Variants in CCDC141 observed in about 807,000 individuals in gnomAD.
CCDC141 encodes coiled-coil domain containing 141, also known as coiled-coil domain-containing protein 141.
In CCDC141, 168 loss-of-function variants were observed where a neutral mutation model predicts 181.0. The ratio of observed to expected loss-of-function variants is 0.93; its 90% confidence interval spans 0.82 to 1.05. CCDC141 has a LOEUF of 1.05. Among genes scored for constraint, CCDC141 ranks in the 50% least tolerant of loss-of-function variants. CCDC141 has a pLI of 0.00. For missense variants in CCDC141, 1,902 were observed against 1,788.5 expected, an observed-to-expected ratio of 1.06 and a Z score of -1.14; for synonymous variants, 666 against 642.3, an observed-to-expected ratio of 1.04 and a Z score of -0.56.
rs1437767845 is a variant in CCDC141 at position 178,930,831 on chromosome 2, A to T, written c.898-11924T>A. Among the ~76,000 whole-genome samples the T allele has an allele frequency of 2.0e-5, 3 of 152,178 alleles. No individual in the cohort carries two copies. The East Asian group carries it at 5.8e-4, about 29-fold the overall frequency. ...CAAAATGGAACAAAGATCTAAATACATACACTAAAGCCATCAAATTCTTAG... is the reference window on the plus strand; with the variant it reads ...CAAAATGGAACAAAGATCTAAATACTTACACTAAAGCCATCAAATTCTTAG... On this transcript the variant is annotated intron_variant, in intron 6 of 23. Coordinates refer to ENST00000443758, the MANE Select transcript of CCDC141 (RefSeq NM_173648.4).
intron 3 of CCDC141, 149 bp from the exon 4 acceptor site, chr2:178,975,314 G>A (rs1276304158): frequency 9.6e-6 from 5 of 518,552 alleles, no homozygotes; most frequent in Non-Finnish European, 1.4e-5. Context: ...GTGTTTGTGT[G>A]TGTTTTGGCT....
chr2:178,827,732 T>C (rs199790797), downstream of CCDC141, among the ~76,000 whole-genome samples: 30 of 152,270 alleles, frequency 2.0e-4, no homozygotes, highest in East Asian at 5.8e-3. Context: ...GGAATTTTAT[T>C]ACCAGAGACT....
downstream of CCDC141, chr2:178,825,568 T>C (rs1684110678): frequency 6.6e-6 from 1 of 152,122 alleles, no homozygotes; most frequent in Admixed American, 6.6e-5. Context: ...CCTCATTCTG[T>C]TGAGCATCAT....
At position 178,937,814 on chromosome 2, in the gene CCDC141, G is replaced by A. The variant is rs1689351604; in HGVS notation, c.897+6721C>T. Among the ~76,000 whole-genome samples, 14 of 152,058 alleles carry A rather than the reference G, an allele frequency of 9.2e-5. 4 individuals carry two copies. The South Asian group carries it at 2.9e-3, about 32-fold the overall frequency. On this transcript the variant is annotated intron_variant, in intron 6 of 23. Coordinates refer to ENST00000443758, the MANE Select transcript of CCDC141 (RefSeq NM_173648.4). ...TGATTCAGTCTTGGGAGGTATATGT[G>A]TCTAGAATTTATCCATCTCTTTTAG...
At chr2:178,952,187 G>C (rs1365251482) in intron 5 of CCDC141, among the ~76,000 whole-genome samples, 1 of 152,160 alleles carries the variant, frequency 6.6e-6, no homozygotes, top group Non-Finnish European at 1.5e-5. Context: ...ATTTTAGAAA[G>C]TTAAGACTAT....
chr2:178,964,736 G>C (rs1453571563), intron 4 of CCDC141, among the ~76,000 whole-genome samples: 1 of 152,104 alleles, frequency 6.6e-6, no homozygotes, highest in Non-Finnish European at 1.5e-5. Flanking sequence ...TCCATCAGTT[G>C]ATCTTACAAA....
intron 22 of CCDC141, among the ~76,000 whole-genome samples, chr2:178,838,066 C>A (rs1381872287): frequency 1.4e-4 from 21 of 152,118 alleles, no homozygotes; most frequent in Admixed American, 1.3e-3. Context: ...AAACCATGAT[C>A]TGGGGAGTCT....
In CCDC141 at chr2:178,856,460, T is replaced by A. The variant is rs1382386055; in HGVS notation, c.2725-63A>T. The A allele has an allele frequency of 1.1e-5, 14 of 1,284,390 alleles. No homozygotes were observed. The East Asian group carries it at 1.2e-4, about 11-fold the overall frequency. The allele number at this position is 1,284,390 out of a possible 1,614,324, so 79.6% of individuals were successfully genotyped here. Reference sequence around the variant, plus strand: ...AATGAGAAAACAAAGTCACTTGCAATAAATCAAAGCATCTGAACACTTCAA... The same window carrying A: ...AATGAGAAAACAAAGTCACTTGCAAAAAATCAAAGCATCTGAACACTTCAA... On this transcript the variant is annotated intron_variant, in intron 17 of 23. Transcript: ENST00000443758.
At chr2:178,870,574 T>TATGTGATTAC (rs1237332875) in intron 14 of CCDC141, among the ~76,000 whole-genome samples, 1 of 152,188 alleles carries the variant, frequency 6.6e-6, no homozygotes, top group Non-Finnish European at 1.5e-5. Flanking sequence ...CTGAGAGTTT[T>TATGTGATTAC]ATAAGAGTTT....
Position 178,962,622 on chromosome 2 carries a change from C to G in CCDC141, c.527-1139G>C, listed in dbSNP as rs773856921. Among the ~76,000 whole-genome samples the G allele has an allele frequency of 3.0e-4, 41 of 138,964 alleles. 1 individual carries two copies. The highest frequency in any genetic ancestry group is 3.5e-3 in the Middle Eastern group (1 of 282). 91.2% of individuals were successfully genotyped at this position (138,964 alleles called of 152,430 possible). A position where few individuals can be genotyped will look rare whatever the true frequency, so the allele number is the denominator to read the frequency against. On this transcript the variant is annotated intron_variant, in intron 4 of 23. Transcript: ENST00000443758. ...TTTCTTTCTTTTCTTTCTTTTCCTT[C>G]TTTCCTTCTTTCTTTCCTTTCCTTC... is the stretch of plus-strand genomic sequence containing the variant.
At position 178,961,443 on chromosome 2, in the gene CCDC141, T is replaced by C; in HGVS notation, c.567A>G (p.Gln189=). The C allele has an allele frequency of 6.4e-7, 1 of 1,550,396 alleles. No individual in the cohort carries two copies. Among genetic ancestry groups the C allele is most frequent in the Non-Finnish European group, 8.7e-7 (1 of 1,146,816 alleles). Residue 189 remains glutamine, a synonymous_variant, in exon 5 of 24, where the codon CAA becomes CAG. Coordinates refer to ENST00000443758, the MANE Select transcript of CCDC141 (RefSeq NM_173648.4). The part of the protein sequence containing the change: ...ERSLALLNKS[Q]QLTDFIEKFK... ...ATTTTTCTATGAAGTCAGTGAGTTG[T>C]TGACTTTTGTTTAAAAGGGCTAAAG...
At chr2:178,980,533 A>T (rs1414581430) in intron 2 of CCDC141, among the ~76,000 whole-genome samples, 3 of 152,228 alleles carry the variant, frequency 2.0e-5, no homozygotes, top group African/African-American at 7.2e-5. Flanking sequence ...CAGCAACAAA[A>T]CTAAGGCTGA....
At chr2:178,971,235 AC>A (rs1690872386) in intron 4 of CCDC141, among the ~76,000 whole-genome samples, 2 of 152,210 alleles carry the variant, frequency 1.3e-5, no homozygotes, top group Non-Finnish European at 2.9e-5. Context: ...TAAGAAAAAA[AC>A]AACCCCATCA....
At chr2:178,897,358 A>G (rs750461060) in intron 8 of CCDC141, among the ~76,000 whole-genome samples, 57 of 152,208 alleles carry the variant, frequency 3.7e-4, no homozygotes, top group Non-Finnish European at 6.9e-4. Flanking sequence ...TCCTGTTCCA[A>G]AAAGTTCAAA....
intron 8 of CCDC141, among the ~76,000 whole-genome samples, chr2:178,902,569 C>T (rs920579155): frequency 5.3e-5 from 8 of 152,144 alleles, no homozygotes; most frequent in African/African-American, 1.9e-4. Flanking sequence ...AAAGCTGAAA[C>T]TGGATCCCCT....
chr2:178,818,731 A>G, the CCDC141 span, among the ~76,000 whole-genome samples: 3 of 152,176 alleles, frequency 2.0e-5, no homozygotes, highest in Admixed American at 6.5e-5. Flanking sequence ...TAGTGCTGCA[A>G]TGAACATACA....
At chr2:178,973,838 C>T (rs1163952029) in intron 4 of CCDC141, among the ~76,000 whole-genome samples, 1 of 152,206 alleles carries the variant, frequency 6.6e-6, no homozygotes, top group Non-Finnish European at 1.5e-5. Context: ...CAGAACCCAT[C>T]TGTTGCCTTC....
intron 6 of CCDC141, among the ~76,000 whole-genome samples, chr2:178,937,756 G>A (rs1044615359): frequency 2.0e-5 from 3 of 151,962 alleles, no homozygotes; most frequent in African/African-American, 7.2e-5. Context: ...TTTGGAGCTC[G>A]TTATTGGTCT....
intron 3 of CCDC141, among the ~76,000 whole-genome samples, chr2:178,976,680 C>T (rs1031769906): frequency 6.6e-6 from 1 of 152,102 alleles, no homozygotes; most frequent in Non-Finnish European, 1.5e-5. Context: ...AGTAATTTTT[C>T]ATTTCTCAAA....
Sources: allele counts gnomAD v4.1 joint callset (sites outside exome capture counted in the v4.1 genomes callset), GRCh38; gene constraint gnomAD v4.1.1; transcripts MANE v1.5; gene names NCBI Gene and HGNC (gene_info 2026-07-23, HGNC 2026-07-21).